IGSF21: variants seen among roughly 807,000 people sequenced by gnomAD.
IGSF21 encodes the protein immunoglobin superfamily member 21.
IGSF21 carries 28 observed loss-of-function variants against 46.8 expected under a neutral mutation model. That is an observed-to-expected ratio of 0.60 (90% CI 0.44 to 0.82). The LOEUF is 0.82. IGSF21 is among the 40% of genes least tolerant of loss of function. The probability of loss-of-function intolerance (pLI) is 0.00; values close to 1 mark genes in which losing one functional copy is unlikely to be tolerated. For synonymous variants in IGSF21, 284 were observed against 273.6 expected (o/e 1.04, Z -0.38); for missense variants, 624 against 665.5 (o/e 0.94, Z 0.69).
chr1:18,161,870 C>T (rs1403065318), intron 1 of IGSF21, among the ~76,000 whole-genome samples: 2 of 152,064 alleles, frequency 1.3e-5, no homozygotes, highest in Non-Finnish European at 2.9e-5. Context: ...TCCAGATCCC[C>T]TTGGAGGGCT....
chr1:18,354,016 C>T (rs1268097417), intron 4 of IGSF21, among the ~76,000 whole-genome samples: 3 of 152,232 alleles, frequency 2.0e-5, no homozygotes, highest in African/African-American at 4.8e-5. Context: ...AAAGACAAAG[C>T]TCCAACTTCC....
chr1:18,360,448 G>A (rs754691195), intron 4 of IGSF21, among the ~76,000 whole-genome samples: 10 of 152,134 alleles, frequency 6.6e-5, no homozygotes, highest in Non-Finnish European at 1.5e-4. Context: ...CCACCTGACT[G>A]TGAACTTTGC....
intron 1 of IGSF21, among the ~76,000 whole-genome samples, chr1:18,196,422 C>T (rs557759753): frequency 5.9e-5 from 9 of 152,126 alleles, no homozygotes; most frequent in Non-Finnish European, 1.2e-4. Context: ...CTGCAGGGCG[C>T]GTCTGCAGAA....
chr1:18,250,892 T>C (rs1189427963), intron 2 of IGSF21, among the ~76,000 whole-genome samples: 1 of 152,136 alleles, frequency 6.6e-6, no homozygotes, highest in Non-Finnish European at 1.5e-5. Context: ...AAATATCAGA[T>C]AATGATAAGT....
In IGSF21 at chr1:18,334,954, G is replaced by A. The variant is rs774817306; in HGVS notation, c.368G>A (p.Arg123His). 82 of 1,614,036 alleles carry A rather than the reference G, an allele frequency of 5.1e-5. No homozygotes were observed. Among genetic ancestry groups the A allele is most frequent in the Middle Eastern group, 4.9e-4 (3 of 6,084 alleles). The change falls in exon 4 of 10, where the codon CGC becomes CAC. Residue 123 changes from arginine to histidine, a missense_variant. Transcript: ENST00000251296. This position sits in a 1 kb window ranked among gnomAD's most constrained non-coding sequence, Gnocchi z 4.3. ...PYECHVGIYD[R>H]ATREKVVLAS... ...GAGTGCCATGTGGGCATCTACGACC[G>A]CGCCACCAGGGAGAAGGTGGTCCTG...
chr1:18,313,079 G>T (rs1008092044), intron 3 of IGSF21, among the ~76,000 whole-genome samples: 1 of 152,168 alleles, frequency 6.6e-6, no homozygotes, highest in Admixed American at 6.5e-5. Context: ...GCTGATCCTG[G>T]CCCTGAACAT....
chr1:18,269,673 G>A (rs2085024322), intron 2 of IGSF21, among the ~76,000 whole-genome samples: 1 of 152,150 alleles, frequency 6.6e-6, no homozygotes, highest in Admixed American at 6.5e-5. Context: ...GCAGCTCCTA[G>A]TGGGTGGGTG....
intron 2 of IGSF21, among the ~76,000 whole-genome samples, chr1:18,241,949 G>A (rs1027389766): frequency 6.6e-6 from 1 of 152,164 alleles, no homozygotes; most frequent in Non-Finnish European, 1.5e-5. Flanking sequence ...TGATGGAGTG[G>A]TCTGGATCCC....
intron 1 of IGSF21, among the ~76,000 whole-genome samples, chr1:18,200,571 C>T (rs79879614): frequency 0.01 from 1,540 of 152,272 alleles, 19 homozygotes; most frequent in African/African-American, 0.035. Context: ...GGCCTGCTCC[C>T]TCTGTGTCTG....
At chr1:18,168,584 C>T (rs137871579) in intron 1 of IGSF21, among the ~76,000 whole-genome samples, 2,229 of 152,280 alleles carry the variant, frequency 0.015, 26 homozygotes, top group Non-Finnish European at 0.023. Flanking sequence ...GTCACTTTAT[C>T]GCCTGTCCCT....
intron 3 of IGSF21, among the ~76,000 whole-genome samples, chr1:18,325,642 G>A (rs376094719): frequency 5.9e-5 from 9 of 152,132 alleles, no homozygotes; most frequent in African/African-American, 1.2e-4. Context: ...CATAATCTGC[G>A]CTGGAACCAA....
At chr1:18,317,597 G>A (rs1484066412) in intron 3 of IGSF21, among the ~76,000 whole-genome samples, 1 of 152,136 alleles carries the variant, frequency 6.6e-6, no homozygotes, top group Non-Finnish European at 1.5e-5. Context: ...CCTTCTCTCT[G>A]GTGCACCCAA....
At chr1:18,299,500 A>C (rs1405033729) in intron 3 of IGSF21, among the ~76,000 whole-genome samples, 2 of 152,184 alleles carry the variant, frequency 1.3e-5, no homozygotes, top group African/African-American at 4.8e-5. Context: ...ATTTTCATGA[A>C]GCATACGTCT....
rs151203947 is a variant in IGSF21, at chr1:18,239,876, C to T, written c.183+11866C>T. On this transcript the variant is annotated intron_variant, in intron 2 of 9. Coordinates refer to ENST00000251296, the MANE Select transcript of IGSF21 (RefSeq NM_032880.5). ...CATAACACTCTCAAAATACTAAGCA[C>T]GTGACCATATGACTCAACACACTGG... Among the ~76,000 whole-genome samples the T allele has an allele frequency of 4.3e-4, 66 of 152,240 alleles. No individual in the cohort carries two copies. In the East Asian group the frequency reaches 0.012, roughly 28 times the overall value.
Position 18,287,212 on chromosome 1 carries a change from A to AATAAATAT in IGSF21, c.184-4653_184-4652insTAAATATA, listed in dbSNP as rs1381765426. On this transcript the variant is annotated intron_variant, in intron 2 of 9. Transcript: ENST00000251296. ...AAAAAATAAAATAAATAAATAAATA[A>AATAAATAT]AAATAAATAAAAATAAAAATAAAAA... 6.3e-5 allele frequency among the ~76,000 whole-genome samples: 9 copies of AATAAATAT among 143,866 alleles called. No individual in the cohort carries two copies. In the South Asian group the frequency reaches 1.1e-3, roughly 18 times the overall value. 94.4% of individuals were successfully genotyped at this position (143,866 alleles called of 152,430 possible). A position where few individuals can be genotyped will look rare whatever the true frequency, so the allele number is the denominator to read the frequency against.
chr1:18,241,606 A>T, intron 2 of IGSF21, among the ~76,000 whole-genome samples: 1 of 152,206 alleles, frequency 6.6e-6, no homozygotes, highest in East Asian at 1.9e-4. Context: ...AGCGATGGGC[A>T]GTATGAGGAC....
At chr1:18,208,548 A>ATTTTT (rs10601446) in intron 1 of IGSF21, among the ~76,000 whole-genome samples, 2 of 85,846 alleles carry the variant, frequency 2.3e-5, no homozygotes, top group African/African-American at 4.5e-5. Flanking sequence ...AGCCCAGCTA[A>ATTTTT]TTTTTTTTTT....
chr1:18,328,553 G>A (rs771824251), intron 3 of IGSF21, among the ~76,000 whole-genome samples: 3 of 152,250 alleles, frequency 2.0e-5, no homozygotes, highest in Admixed American at 1.3e-4. Flanking sequence ...CACCACAAGC[G>A]GTGCATGGTA....
chr1:18,256,510 C>G (rs2084893859), intron 2 of IGSF21, among the ~76,000 whole-genome samples: 2 of 152,136 alleles, frequency 1.3e-5, no homozygotes, highest in African/African-American at 4.8e-5. Context: ...GTCCGTGGTG[C>G]TGATAGTTCC....
Sources: allele counts gnomAD v4.1 joint callset (sites outside exome capture counted in the v4.1 genomes callset), GRCh38; gene constraint gnomAD v4.1.1; non-coding constraint Gnocchi (gnomAD v3.1); transcripts MANE v1.5; gene names NCBI Gene and HGNC (gene_info 2026-07-23, HGNC 2026-07-21).